Variants in ZNF562 observed in about 807,000 individuals in gnomAD.
ZNF562 encodes zinc finger protein 562.
A neutral mutation model predicts 17.5 loss-of-function variants in ZNF562; 13 were observed. That is an observed-to-expected ratio of 0.74 (90% CI 0.48 to 1.18). The LOEUF is 1.18. ZNF562 is among the 50% of genes most tolerant of loss of function. ZNF562 has a pLI of 0.00. For missense variants in ZNF562, 481 were observed against 498.5 expected, an observed-to-expected ratio of 0.96 and a Z score of 0.33; for synonymous variants, 163 against 165.4, an observed-to-expected ratio of 0.99 and a Z score of 0.11.
At chr19:9,662,697 C>A (rs1440273583) in intron 1 of ZNF562, among the ~76,000 whole-genome samples, 1 of 151,746 alleles carries the variant, frequency 6.6e-6, no homozygotes, top group Admixed American at 6.6e-5. Context: ...CTGGCTAACA[C>A]AATGAAACCC....
rs914872730 is a variant in ZNF562, at chr19:9,653,987, GTTTAATT to G, written c.349-113_349-107del. 13 of 1,111,914 alleles carry G rather than the reference GTTTAATT, an allele frequency of 1.2e-5. No individual in the cohort carries two copies. The African/African-American group carries it at 2.4e-4, about 21-fold the overall frequency. The allele number at this position is 1,111,914 out of a possible 1,614,324, so 68.9% of individuals were successfully genotyped here. On this transcript the variant is annotated intron_variant, in intron 5 of 5. Coordinates refer to ENST00000453372, the MANE Select transcript of ZNF562 (RefSeq NM_001130031.2). ...GATGACAATTATTTTACTTTTTAAT[GTTTAATT>G]TTTTTTTTTTTTTTGAGACAGAGTC...
rs558152826 is a variant in ZNF562 at position 9,666,216 on chromosome 19, G to A, written c.-130-5342C>T. Among the ~76,000 whole-genome samples, 65 of 151,622 alleles carry A rather than the reference G, an allele frequency of 4.3e-4. 1 individual carries two copies. The highest frequency in any genetic ancestry group is 3.3e-3 in the South Asian group (16 of 4,788). On this transcript the variant is annotated intron_variant, in intron 1 of 5. Coordinates refer to ENST00000453372, the MANE Select transcript of ZNF562 (RefSeq NM_001130031.2). ...GTGCATGCCTGTAATCCCACTACTCGGGAGGCTGAAGCAGGAGAATCGCTT... is the reference window on the plus strand; with the variant it reads ...GTGCATGCCTGTAATCCCACTACTCAGGAGGCTGAAGCAGGAGAATCGCTT...
intron 1 of ZNF562, among the ~76,000 whole-genome samples, chr19:9,669,156 A>G (rs1304767419): frequency 6.6e-6 from 1 of 152,218 alleles, no homozygotes; most frequent in African/African-American, 2.4e-5. Flanking sequence ...CAAAAGAAAC[A>G]ATCAACAAAG....
At position 9,643,823 on chromosome 19, in the gene ZNF562, TTTTG is replaced by T. The variant is rs1277898045; in HGVS notation, c.*9122_*9125del. ...TGCTACTATTATACTTAGCGCATTTTTTTGTTTGTTTGTTTTTTGAGACAGTCTT... is the reference window on the plus strand; with the variant it reads ...TGCTACTATTATACTTAGCGCATTTTTTTGTTTGTTTTTTGAGACAGTCTT... On this transcript the variant is annotated 3_prime_UTR_variant, in exon 6 of 6. Transcript: ENST00000453372. 6 of 152,080 alleles carry T rather than the reference TTTTG, an allele frequency of 3.9e-5. No homozygotes were observed. Among genetic ancestry groups the T allele is most frequent in the Non-Finnish European group, 7.3e-5 (5 of 68,056 alleles). 9.4% of individuals were successfully genotyped at this position (152,080 alleles called of 1,614,324 possible).
intron 1 of ZNF562, among the ~76,000 whole-genome samples, chr19:9,666,878 A>C (rs754752240): frequency 6.6e-6 from 1 of 152,142 alleles, no homozygotes; most frequent in Non-Finnish European, 1.5e-5. Context: ...GTGATAACAA[A>C]ATGAATCCCA....
intron 1 of ZNF562, among the ~76,000 whole-genome samples, chr19:9,672,467 A>C (rs2044231338): frequency 6.6e-6 from 1 of 152,180 alleles, no homozygotes. Context: ...AATGCTAAAA[A>C]ATTAAGTAAA....
chr19:9,672,799 T>TA (rs1555700423), intron 1 of ZNF562, among the ~76,000 whole-genome samples: 10 of 140,752 alleles, frequency 7.1e-5, no homozygotes, highest in Non-Finnish European at 1.2e-4. Context: ...TTTTTTTTTT[T>TA]AGACAGTTTC....
rs2074882045 is a variant in ZNF562 at position 9,652,451 on chromosome 19, A to G, written c.*498T>C. The G allele has an allele frequency of 6.6e-6, 1 of 152,358 alleles. No homozygotes were observed. The highest frequency in any genetic ancestry group is 1.5e-5 in the Non-Finnish European group (1 of 68,168). The allele number at this position is 152,358 out of a possible 1,614,324, so 9.4% of individuals were successfully genotyped here. On this transcript the variant is annotated 3_prime_UTR_variant, in exon 6 of 6. Coordinates refer to ENST00000453372, the MANE Select transcript of ZNF562 (RefSeq NM_001130031.2). ...ACATGAATGTGCCACACTGGCAGCC[A>G]CTAACCAACAGGGGCTGGGATCAAT...
At position 9,671,576 on chromosome 19, in the gene ZNF562, G is replaced by A. The variant is rs147216475; in HGVS notation, c.-131+3439C>T. 2.5e-3 allele frequency among the ~76,000 whole-genome samples: 380 copies of A among 152,222 alleles called. 2 individuals carry two copies. The highest frequency in any genetic ancestry group is 8.9e-3 in the African/African-American group (368 of 41,524). ...CACATACATTTGCATGTACTTTAAC[G>A]CCCCACACAGTTACCTGTAAGGATT... is the stretch of plus-strand genomic sequence containing the variant. On this transcript the variant is annotated intron_variant, in intron 1 of 5. Coordinates refer to ENST00000453372, the MANE Select transcript of ZNF562 (RefSeq NM_001130031.2).
chr19:9,664,606 A>G (rs1375718010), intron 1 of ZNF562, among the ~76,000 whole-genome samples: 2 of 152,208 alleles, frequency 1.3e-5, no homozygotes, highest in Non-Finnish European at 2.9e-5. Context: ...ATGTAATCAT[A>G]TATGTGATCT....
intron 1 of ZNF562, among the ~76,000 whole-genome samples, chr19:9,669,987 A>C (rs1238335275): frequency 6.6e-6 from 1 of 152,104 alleles, no homozygotes; most frequent in Non-Finnish European, 1.5e-5. Flanking sequence ...GCTTGAACCC[A>C]GGAGGCGGAC....
chr19:9,670,244 AC>A (rs951759029), intron 1 of ZNF562, among the ~76,000 whole-genome samples: 5 of 152,246 alleles, frequency 3.3e-5, no homozygotes, highest in Non-Finnish European at 5.9e-5. Context: ...CTCAAAAAAA[AC>A]AAAACAAAAC....
In ZNF562 at chr19:9,647,371, C is replaced by A. The variant is rs1465676802; in HGVS notation, c.*5578G>T. 6.6e-6 allele frequency: 1 copy of A among 152,146 alleles called. No individual in the cohort carries two copies. Among genetic ancestry groups the A allele is most frequent in the Non-Finnish European group, 1.5e-5 (1 of 68,114 alleles). 9.4% of individuals were successfully genotyped at this position (152,146 alleles called of 1,614,324 possible). ...GTGGGATTACAGGCATGAGCCACCA[C>A]TCCCAGCCTGATAACTGTTTTATTT... On this transcript the variant is annotated 3_prime_UTR_variant, in exon 6 of 6. Transcript: ENST00000453372.
chr19:9,668,762 AC>A (rs1311108000), intron 1 of ZNF562, among the ~76,000 whole-genome samples: 1 of 150,964 alleles, frequency 6.6e-6, no homozygotes, highest in Non-Finnish European at 1.5e-5. Context: ...CATAAAAAAA[AC>A]AAACAAACAC....
At chr19:9,664,275 G>C (rs1357751912) in intron 1 of ZNF562, among the ~76,000 whole-genome samples, 1 of 152,118 alleles carries the variant, frequency 6.6e-6, no homozygotes, top group East Asian at 1.9e-4. Flanking sequence ...CTCCACGTTG[G>C]TCTGGATGGT....
intron 5 of ZNF562, among the ~76,000 whole-genome samples, chr19:9,655,713 CTTTCTTTTTTT>C (rs2043445228): frequency 1.8e-5 from 1 of 54,550 alleles, no homozygotes; most frequent in African/African-American, 6.8e-5. Context: ...ACTTTCTTTT[CTTTCTTTTTTT>C]TTTTTTTTTT....
At position 9,656,610 on chromosome 19, in the gene ZNF562, T is replaced by G; in HGVS notation, c.285A>C (p.Arg95Ser). The G allele has an allele frequency of 6.2e-7, 1 of 1,614,080 alleles. No homozygotes were observed. The highest frequency in any genetic ancestry group is 1.1e-5 in the South Asian group (1 of 91,082). ...CLTSEWEIQP[R>S]TKRSSLQQGF... is the part of the protein sequence containing the mutation. ...CCTGCTGAAGTGATGACCGTTTGGT[T>G]CTAGGTTGTATTTCCCATTCTGAAG... Residue 95 changes from arginine to serine, a missense_variant, in exon 5 of 6, where the codon AGA becomes AGC. By Grantham distance (110) the Arg-to-Ser change is moderately radical. Around this residue, in one of 2 missense-constraint regions of ZNF562, gnomAD observed 403 missense variants for 386.4 expected, o/e 1.04. Coordinates refer to ENST00000453372, the MANE Select transcript of ZNF562 (RefSeq NM_001130031.2).
chr19:9,659,368 T>G lies in ZNF562; in HGVS notation c.114+11A>C. On this transcript the variant is annotated intron_variant, in intron 3 of 5. Coordinates refer to ENST00000453372, the MANE Select transcript of ZNF562 (RefSeq NM_001130031.2). ...TATGTCATTTTGTACAACGGTACAT[T>G]TTCTGTTTACCTGGTAAGAATTTGA... 6.5e-7 allele frequency: 1 copy of G among 1,549,390 alleles called. No individual in the cohort carries two copies. Among genetic ancestry groups the G allele is most frequent in the South Asian group, 1.2e-5 (1 of 83,968 alleles).
chr19:9,669,756 A>ACGCG (rs1341848259), intron 1 of ZNF562, among the ~76,000 whole-genome samples: 1 of 150,504 alleles, frequency 6.6e-6, no homozygotes, highest in Non-Finnish European at 1.5e-5. Context: ...ACACACACAC[A>ACGCG]CACACACACA....
Sources: gnomAD v4.1 joint callset for allele counts (sites outside exome capture counted in the v4.1 genomes callset) on GRCh38, gnomAD v4.1.1 for gene constraint, gnomAD v4.1.1 regional missense constraint, MANE v1.5 for transcripts, NCBI Gene and HGNC (gene_info 2026-07-23, HGNC 2026-07-21) for gene names.